Variants in RFX3 observed in about 807,000 individuals in gnomAD.
RFX3 encodes transcription factor RFX3.
RFX3 carries 14 observed loss-of-function variants against 98.6 expected under a neutral mutation model. That is an observed-to-expected ratio of 0.14 (90% CI 0.09 to 0.22). The LOEUF (loss-of-function observed/expected upper bound fraction) is 0.22, where lower values mean the gene tolerates loss of function less well. Ranked by LOEUF, RFX3 falls within the 10% of genes least tolerant of loss-of-function variation. RFX3 has a pLI of 1.00. For missense variants in RFX3, 639 were observed against 926.9 expected (o/e 0.69, Z 4.03); for synonymous variants, 383 against 328.4 (o/e 1.17, Z -1.80).
intron 1 of RFX3, among the ~76,000 whole-genome samples, chr9:3,434,004 T>C (rs1304955099): frequency 1.3e-5 from 2 of 152,154 alleles, no homozygotes; most frequent in Non-Finnish European, 2.9e-5. Context: ...TAGAACAGTG[T>C]TTCTCAATCT....
At chr9:3,225,371 A>G in intron 16 of RFX3, 91 bp from the exon 17 acceptor site, 1 of 1,524,638 alleles carries the variant, frequency 6.6e-7, no homozygotes, top group Non-Finnish European at 8.7e-7. Context: ...AATATAGGAC[A>G]TTACGAAAGC....
chr9:3,307,151 C>A (rs1253920145), intron 4 of RFX3, among the ~76,000 whole-genome samples: 1 of 152,100 alleles, frequency 6.6e-6, no homozygotes, highest in Non-Finnish European at 1.5e-5. Context: ...GCTTCCCCAG[C>A]CACGATGAAC....
At chr9:3,328,245 TAGG>T (rs1832154004) in intron 4 of RFX3, among the ~76,000 whole-genome samples, 1 of 152,276 alleles carries the variant, frequency 6.6e-6, no homozygotes, top group Non-Finnish European at 1.5e-5. Context: ...AGGTGGCCTA[TAGG>T]AGGAGTGCTA....
chr9:3,247,302 T>G, intron 15 of RFX3: 1 of 987,540 alleles, frequency 1.0e-6, no homozygotes, highest in Non-Finnish European at 1.2e-6. Context: ...TGATGACTAT[T>G]CAGAAATTCT....
At chr9:3,429,854 C>A (rs1844486163) in intron 1 of RFX3, among the ~76,000 whole-genome samples, 1 of 152,138 alleles carries the variant, frequency 6.6e-6, no homozygotes, top group Non-Finnish European at 1.5e-5. Context: ...TTTCAAAGCC[C>A]TCAATCTCTT....
chr9:3,267,370 C>T (rs1339299488), intron 11 of RFX3, among the ~76,000 whole-genome samples: 5 of 151,874 alleles, frequency 3.3e-5, no homozygotes, highest in Non-Finnish European at 4.4e-5. Flanking sequence ...ATTAATATTA[C>T]GGATGGGCTT....
intron 4 of RFX3, among the ~76,000 whole-genome samples, chr9:3,303,191 C>T (rs1316352095): frequency 6.6e-6 from 1 of 151,650 alleles, no homozygotes; most frequent in African/African-American, 2.4e-5. Flanking sequence ...AGTGATACTG[C>T]ACAAATGAAA....
At position 3,225,029 on chromosome 9, in the gene RFX3, G is replaced by C; in HGVS notation, c.*13C>G. ...GGGTTAATGTAAGCTGGAAAAATACGCTTTAATATTCTTTAGACTGCAGTG... is the reference window on the plus strand; with the variant it reads ...GGGTTAATGTAAGCTGGAAAAATACCCTTTAATATTCTTTAGACTGCAGTG... On this transcript the variant is annotated 3_prime_UTR_variant, in exon 17 of 17. Coordinates refer to ENST00000617270, the MANE Select transcript of RFX3 (RefSeq NM_001282116.2). 1 of 1,610,446 alleles carries C rather than the reference G, an allele frequency of 6.2e-7. No homozygotes were observed.
At chr9:3,271,390 T>A (rs556167320) in intron 9 of RFX3, among the ~76,000 whole-genome samples, 1 of 152,066 alleles carries the variant, frequency 6.6e-6, no homozygotes, top group Non-Finnish European at 1.5e-5. Flanking sequence ...CTTCTACCTC[T>A]TTTTTCTTCC....
At chr9:3,360,988 G>C (rs1396852983) in intron 2 of RFX3, among the ~76,000 whole-genome samples, 1 of 152,162 alleles carries the variant, frequency 6.6e-6, no homozygotes, top group African/African-American at 2.4e-5. Context: ...CTTTCACACA[G>C]AAGAGCATTT....
chr9:3,377,741 G>C (rs570865246), intron 2 of RFX3, among the ~76,000 whole-genome samples: 1 of 152,232 alleles, frequency 6.6e-6, no homozygotes, highest in African/African-American at 2.4e-5. Context: ...AAAGAAGAGG[G>C]AAGTATTTGG....
intron 4 of RFX3, among the ~76,000 whole-genome samples, chr9:3,313,785 C>A (rs978074683): frequency 6.6e-6 from 1 of 152,028 alleles, no homozygotes; most frequent in African/African-American, 2.4e-5. Context: ...GACTGAAGAT[C>A]AAATGAATGA....
intron 3 of RFX3, 69 bp downstream of exon 3, chr9:3,346,598 G>T (rs1834464756): frequency 2.2e-6 from 2 of 913,934 alleles, no homozygotes; most frequent in African/African-American, 1.6e-5. Context: ...GGAATAGTGG[G>T]AGGTGTTCAA....
At chr9:3,333,399 G>C (rs1297315236) in intron 3 of RFX3, among the ~76,000 whole-genome samples, 1 of 150,736 alleles carries the variant, frequency 6.6e-6, no homozygotes, top group Non-Finnish European at 1.5e-5. Context: ...AAAAAGTTTA[G>C]TCTGGGGTGA....
chr9:3,332,862 C>T (rs1359184082), intron 3 of RFX3, among the ~76,000 whole-genome samples: 1 of 152,060 alleles, frequency 6.6e-6, no homozygotes, highest in African/African-American at 2.4e-5. Context: ...CATTTTATTC[C>T]ACCTCCCTGC....
At chr9:3,268,317 T>C (rs1823923893) in intron 11 of RFX3, among the ~76,000 whole-genome samples, 1 of 151,698 alleles carries the variant, frequency 6.6e-6, no homozygotes, top group Non-Finnish European at 1.5e-5. Context: ...AAAATAAAAT[T>C]AAGTTTGCTC....
At chr9:3,362,138 T>A (rs1836533952) in intron 2 of RFX3, among the ~76,000 whole-genome samples, 3 of 152,190 alleles carry the variant, frequency 2.0e-5, no homozygotes, top group African/African-American at 7.2e-5. Flanking sequence ...AAATTCTCTC[T>A]CACTGTGTTT....
chr9:3,332,647 C>T (rs1046945873), intron 3 of RFX3, among the ~76,000 whole-genome samples: 8 of 152,146 alleles, frequency 5.3e-5, no homozygotes, highest in African/African-American at 1.9e-4. Context: ...CTCTTGCCTT[C>T]AGAAAAAGTT....
At chr9:3,288,275 A>T in intron 6 of RFX3, 25 bp from the exon 7 acceptor site, 1 of 1,607,792 alleles carries the variant, frequency 6.2e-7, no homozygotes, top group South Asian at 1.1e-5. Context: ...AAGAAACATT[A>T]GAAACAAAAG....
Sources: allele counts gnomAD v4.1 joint callset (sites outside exome capture counted in the v4.1 genomes callset), GRCh38; gene constraint gnomAD v4.1.1; transcripts MANE v1.5; gene names NCBI Gene and HGNC (gene_info 2026-07-23, HGNC 2026-07-21).